The following TRPM3 variants were observed in gnomAD, a reference collection of about 807,000 sequenced individuals.
TRPM3 encodes the protein transient receptor potential cation channel subfamily M member 3.
TRPM3 carries 77 observed loss-of-function variants against 181.2 expected under a neutral mutation model. That is an observed-to-expected ratio of 0.42 (90% CI 0.35 to 0.51). The LOEUF is 0.51. Among genes scored for constraint, TRPM3 ranks in the 20% least tolerant of loss-of-function variants. The probability of loss-of-function intolerance (pLI) is 0.01; values close to 1 mark genes in which losing one functional copy is unlikely to be tolerated. For synonymous variants in TRPM3, 745 were observed against 796.4 expected (o/e 0.94, Z 1.09); for missense variants, 1,759 against 2,196.7 (o/e 0.80, Z 3.98).
chr9:71,199,305 A>G (rs1316574949), intron 1 of TRPM3, among the ~76,000 whole-genome samples: 4 of 151,984 alleles, frequency 2.6e-5, no homozygotes, highest in Admixed American at 1.3e-4. Context: ...TTGCATCAAT[A>G]TTCATCAAGG....
At chr9:71,089,341 A>G (rs1292228960) in intron 1 of TRPM3, among the ~76,000 whole-genome samples, 2 of 151,366 alleles carry the variant, frequency 1.3e-5, no homozygotes, top group Non-Finnish European at 2.9e-5. Context: ...TAGAGCATAC[A>G]TGGCAATATA....
At chr9:71,025,059 A>G (rs1244455190) in intron 1 of TRPM3, among the ~76,000 whole-genome samples, 1 of 152,226 alleles carries the variant, frequency 6.6e-6, no homozygotes, top group Non-Finnish European at 1.5e-5. Flanking sequence ...TTGTAATGTG[A>G]ATCTAACACA....
At chr9:70,792,379 G>A (rs1442163556) in intron 6 of TRPM3, among the ~76,000 whole-genome samples, 3 of 152,080 alleles carry the variant, frequency 2.0e-5, no homozygotes, top group East Asian at 3.9e-4. Flanking sequence ...GAAAACAAAG[G>A]AGCAGAGGGT....
intron 1 of TRPM3, among the ~76,000 whole-genome samples, chr9:70,934,961 G>C (rs941970881): frequency 2.6e-5 from 4 of 152,250 alleles, no homozygotes; most frequent in Middle Eastern, 6.8e-3. Context: ...GCAATCTAGA[G>C]GGCCTTTTCC....
At chr9:70,748,156 G>A (rs1373113213) in intron 8 of TRPM3, among the ~76,000 whole-genome samples, 1 of 152,120 alleles carries the variant, frequency 6.6e-6, no homozygotes, top group Non-Finnish European at 1.5e-5. Context: ...GAAAGAGGAA[G>A]TTGATAGCCT....
intron 1 of TRPM3, among the ~76,000 whole-genome samples, chr9:70,886,096 C>T (rs2132760762): frequency 6.6e-6 from 1 of 152,246 alleles, no homozygotes; most frequent in South Asian, 2.1e-4. Flanking sequence ...TTTTAGAAAA[C>T]TGCATTTGCA....
At chr9:70,968,912 G>C (rs1386789744) in intron 1 of TRPM3, among the ~76,000 whole-genome samples, 2 of 152,022 alleles carry the variant, frequency 1.3e-5, no homozygotes, top group Non-Finnish European at 2.9e-5. Flanking sequence ...AAAAATCCTA[G>C]AAGAAAATCT....
intron 1 of TRPM3, among the ~76,000 whole-genome samples, chr9:71,093,853 T>C (rs527835773): frequency 1.1e-3 from 169 of 152,090 alleles, no homozygotes; most frequent in Middle Eastern, 3.4e-3. Flanking sequence ...CCCATCAAGA[T>C]AGACTGGATA....
At chr9:70,944,452 T>G (rs1165368404) in intron 1 of TRPM3, among the ~76,000 whole-genome samples, 1 of 152,164 alleles carries the variant, frequency 6.6e-6, no homozygotes, top group Non-Finnish European at 1.5e-5. Flanking sequence ...TTATTTTCTT[T>G]TTCCGCTCCT....
intron 1 of TRPM3, among the ~76,000 whole-genome samples, chr9:71,001,815 G>C (rs78002169): frequency 0.015 from 2,282 of 152,280 alleles, 40 homozygotes; most frequent in African/African-American, 0.052. Flanking sequence ...TAGCAACTTG[G>C]AACTTCTGTC....
chr9:71,175,067 A>G (rs2077041342), intron 1 of TRPM3, among the ~76,000 whole-genome samples: 1 of 152,146 alleles, frequency 6.6e-6, no homozygotes, highest in Non-Finnish European at 1.5e-5. Context: ...GGAGGAAGGA[A>G]ACGACAGATG....
At chr9:71,396,979 A>AAT (rs2093216070) in intron 1 of TRPM3, among the ~76,000 whole-genome samples, 1 of 151,968 alleles carries the variant, frequency 6.6e-6, no homozygotes, top group Admixed American at 6.6e-5. Context: ...AAAAAAAAAA[A>AAT]AAATTAAGCC....
intron 1 of TRPM3, among the ~76,000 whole-genome samples, chr9:71,049,426 A>G (rs1037396538): frequency 6.6e-6 from 1 of 152,104 alleles, no homozygotes; most frequent in Non-Finnish European, 1.5e-5. Flanking sequence ...TAATATCAAT[A>G]CTCTCCAAAA....
At chr9:70,828,045 G>A (rs1232504047) in intron 5 of TRPM3, 27 bp from the exon 6 acceptor site, 6 of 1,588,842 alleles carry the variant, frequency 3.8e-6, no homozygotes, top group South Asian at 2.3e-5. Flanking sequence ...GGAAGAGGCA[G>A]AAGTCAGAAA....
intron 1 of TRPM3, among the ~76,000 whole-genome samples, chr9:70,879,681 C>CA (rs1374616946): frequency 1.3e-5 from 2 of 152,054 alleles, no homozygotes; most frequent in Non-Finnish European, 2.9e-5. Flanking sequence ...ATACAGTTAT[C>CA]AAAAAATAGA....
chr9:70,922,174 T>C (rs985103689), intron 1 of TRPM3, among the ~76,000 whole-genome samples: 4 of 152,152 alleles, frequency 2.6e-5, no homozygotes, highest in African/African-American at 9.7e-5. Flanking sequence ...GAACAACCAT[T>C]TTTCTGACAT....
intron 1 of TRPM3, among the ~76,000 whole-genome samples, chr9:71,196,458 T>C (rs1235573474): frequency 2.6e-5 from 4 of 151,964 alleles, no homozygotes; most frequent in Non-Finnish European, 5.9e-5. Context: ...TCCATGTGCA[T>C]ATTCAATATT....
At chr9:71,289,332 AAAGC>A (rs2085581709) in intron 1 of TRPM3, among the ~76,000 whole-genome samples, 1 of 152,202 alleles carries the variant, frequency 6.6e-6, no homozygotes, top group African/African-American at 2.4e-5. Flanking sequence ...TTTAAAAAGG[AAAGC>A]AATAAAACTT....
At chr9:71,403,715 C>G (rs1410757509) in intron 1 of TRPM3, among the ~76,000 whole-genome samples, 3 of 152,104 alleles carry the variant, frequency 2.0e-5, no homozygotes, top group Admixed American at 2.0e-4. Context: ...TGAACCCAGA[C>G]AGTGTGACTC....
Sources: allele counts gnomAD v4.1 joint callset (sites outside exome capture counted in the v4.1 genomes callset), GRCh38; gene constraint gnomAD v4.1.1; transcripts MANE v1.5; gene names NCBI Gene and HGNC (gene_info 2026-07-23, HGNC 2026-07-21).